The following SCFD2 variants were observed in gnomAD, a reference collection of about 807,000 sequenced individuals.
SCFD2 encodes the protein sec1 family domain-containing protein 2.
Under a neutral mutation model 58.9 loss-of-function variants are expected in SCFD2, and 54 were observed. The observed-to-expected ratio is 0.92, with a 90% CI of 0.74 to 1.15. SCFD2 has a LOEUF of 1.15. SCFD2 is among the 50% of genes most tolerant of loss of function. The pLI, the probability that SCFD2 is intolerant of heterozygous loss-of-function variation, is 0.00. For missense variants in SCFD2, 805 were observed against 836.6 expected, an observed-to-expected ratio of 0.96 and a Z score of 0.47; for synonymous variants, 321 against 335.9, an observed-to-expected ratio of 0.96 and a Z score of 0.49.
chr4:52,971,031 A>G (rs1721086498), intron 5 of SCFD2, among the ~76,000 whole-genome samples: 1 of 152,208 alleles, frequency 6.6e-6, no homozygotes, highest in Admixed American at 6.5e-5. Context: ...CACCATCATC[A>G]AAGACCAAAG....
intron 4 of SCFD2, among the ~76,000 whole-genome samples, chr4:53,153,703 T>G (rs1726580196): frequency 6.6e-6 from 1 of 152,236 alleles, no homozygotes; most frequent in South Asian, 2.1e-4. Flanking sequence ...GCTCTTTCCA[T>G]CTCTACTACA....
At chr4:52,899,438 G>C (rs4458513) in intron 7 of SCFD2, among the ~76,000 whole-genome samples, 7,380 of 152,206 alleles carry the variant, frequency 0.048, 209 homozygotes, top group South Asian at 0.13. Flanking sequence ...TGAAATTCTG[G>C]GTTGAAAATT....
At chr4:53,247,964 G>A (rs1175870863) in intron 4 of SCFD2, among the ~76,000 whole-genome samples, 4 of 152,196 alleles carry the variant, frequency 2.6e-5, no homozygotes, top group African/African-American at 4.8e-5. Context: ...AGCTGCCAGC[G>A]TGAGCGATGC....
chr4:53,101,226 T>C (rs755077034), intron 5 of SCFD2, among the ~76,000 whole-genome samples: 3 of 152,186 alleles, frequency 2.0e-5, no homozygotes, highest in Non-Finnish European at 4.4e-5. Context: ...ATGCTGTATA[T>C]GAACCTAGTC....
intron 4 of SCFD2, among the ~76,000 whole-genome samples, chr4:53,173,790 A>G (rs1361512860): frequency 6.6e-6 from 1 of 152,158 alleles, no homozygotes; most frequent in African/African-American, 2.4e-5. Flanking sequence ...TATGTAAAAT[A>G]TAACAAGCTA....
At chr4:53,251,665 C>A (rs1283529883) in intron 4 of SCFD2, among the ~76,000 whole-genome samples, 2 of 151,928 alleles carry the variant, frequency 1.3e-5, no homozygotes, top group African/African-American at 4.8e-5. Context: ...CAGAAAAGGC[C>A]TTTGACAAAA....
chr4:53,275,059 G>A (rs1731286184), intron 3 of SCFD2, among the ~76,000 whole-genome samples: 1 of 152,158 alleles, frequency 6.6e-6, no homozygotes, highest in Non-Finnish European at 1.5e-5. Flanking sequence ...AATTTACACA[G>A]TGCTTACACA....
In SCFD2 at chr4:53,318,107, A is replaced by G. The variant is rs150619427; in HGVS notation, c.1008-4344T>C. Among the ~76,000 whole-genome samples the G allele has an allele frequency of 8.6e-3, 1,309 of 152,338 alleles. 13 individuals carry two copies. Among genetic ancestry groups the G allele is most frequent in the Middle Eastern group, 0.048 (14 of 294 alleles). On this transcript the variant is annotated intron_variant, in intron 2 of 8. Transcript: ENST00000401642. Reference sequence around the variant, plus strand: ...ACAATAGATAATGTAGAATTCATACACACTGAAAACTCCAATGCAAGCAAT... The same window carrying G: ...ACAATAGATAATGTAGAATTCATACGCACTGAAAACTCCAATGCAAGCAAT...
chr4:53,195,048 G>A (rs750942572), intron 4 of SCFD2, among the ~76,000 whole-genome samples: 1 of 152,136 alleles, frequency 6.6e-6, no homozygotes, highest in Non-Finnish European at 1.5e-5. Flanking sequence ...TCATGTAGTG[G>A]TAAAGCAGGC....
At chr4:53,266,627 C>T (rs944290755) in intron 4 of SCFD2, among the ~76,000 whole-genome samples, 1 of 152,172 alleles carries the variant, frequency 6.6e-6, no homozygotes, top group African/African-American at 2.4e-5. Flanking sequence ...AATTAAAAGG[C>T]AAAGCTACTT....
In SCFD2 at chr4:53,352,623, C is replaced by G. The variant is rs1388322065; in HGVS notation, c.982G>C (p.Ala328Pro). ...CTGGATTGTGAAAGACAGCCTGGTG[C>G]AACCACATTATAATTTTCCTCCTCA... ...HTEEENYNVV[A>P]PGCLSQSSDT... The change falls in exon 2 of 9, where the codon GCA becomes CCA. Residue 328 changes from alanine to proline, a missense_variant. By Grantham distance (27) the Ala-to-Pro change is conservative. This residue lies in a region of SCFD2 where 633 missense variants were observed against 646.8 expected (regional missense o/e 0.98). Coordinates refer to ENST00000401642, the MANE Select transcript of SCFD2 (RefSeq NM_152540.4). 6.2e-7 allele frequency: 1 copy of G among 1,613,344 alleles called. No individual in the cohort carries two copies. The highest frequency in any genetic ancestry group is 8.5e-7 in the Non-Finnish European group (1 of 1,179,556).
rs534303170 is a variant in SCFD2, at chr4:53,221,566, G to C, written c.1311+52260C>G. Among the ~76,000 whole-genome samples, 9 of 152,298 alleles carry C rather than the reference G, an allele frequency of 5.9e-5. No homozygotes were observed. In the South Asian group the frequency reaches 1.9e-3, roughly 32 times the overall value. On this transcript the variant is annotated intron_variant, in intron 4 of 8. Coordinates refer to ENST00000401642, the MANE Select transcript of SCFD2 (RefSeq NM_152540.4). ...CCCATCTGTAACTTCCTCTCCAATA[G>C]TGATTTGTGACATGAATTCCCATCT...
chr4:53,044,605 C>T (rs1253676040), intron 5 of SCFD2, among the ~76,000 whole-genome samples: 7 of 91,964 alleles, frequency 7.6e-5, no homozygotes, highest in Non-Finnish European at 4.2e-5. Context: ...TTTCTCCTTC[C>T]TTCCTCCCTC....
chr4:53,202,679 G>A (rs918092725), intron 4 of SCFD2, among the ~76,000 whole-genome samples: 1 of 152,126 alleles, frequency 6.6e-6, no homozygotes, highest in African/African-American at 2.4e-5. Flanking sequence ...ACTTCCATTT[G>A]TTTGTATCCT....
chr4:53,062,391 C>CAATAATAAT (rs60077342), intron 5 of SCFD2, among the ~76,000 whole-genome samples: 2,296 of 149,832 alleles, frequency 0.015, 20 homozygotes, highest in Middle Eastern at 0.049. Flanking sequence ...CGTACAATAA[C>CAATAATAAT]AATAATAATA....
chr4:52,916,334 C>T (rs1226985996), intron 6 of SCFD2, among the ~76,000 whole-genome samples: 1 of 152,194 alleles, frequency 6.6e-6, no homozygotes, highest in Non-Finnish European at 1.5e-5. Context: ...TTTTGGGAGG[C>T]CGAGGTGGGC....
intron 5 of SCFD2, among the ~76,000 whole-genome samples, chr4:53,113,313 G>A (rs1387230705): frequency 3.3e-5 from 5 of 152,048 alleles, no homozygotes; most frequent in Admixed American, 6.6e-5. Flanking sequence ...AATGAAATAT[G>A]AGCAGAAGCT....
chr4:53,243,919 T>G (rs1222855690), intron 4 of SCFD2, among the ~76,000 whole-genome samples: 1 of 152,070 alleles, frequency 6.6e-6, no homozygotes, highest in South Asian at 2.1e-4. Flanking sequence ...TTTAAATTTA[T>G]TTACAACTTT....
intron 5 of SCFD2, among the ~76,000 whole-genome samples, chr4:53,142,725 C>G (rs1323485479): frequency 1.3e-5 from 2 of 152,198 alleles, no homozygotes; most frequent in African/African-American, 4.8e-5. Flanking sequence ...AGTGAAAACA[C>G]AAATGCTTCT....
Sources: allele counts gnomAD v4.1 joint callset (sites outside exome capture counted in the v4.1 genomes callset), GRCh38; gene constraint gnomAD v4.1.1; regional missense constraint gnomAD v4.1.1; transcripts MANE v1.5; gene names NCBI Gene and HGNC (gene_info 2026-07-23, HGNC 2026-07-21).